Variants in NF1 observed in about 807,000 individuals in gnomAD.
NF1 encodes neurofibromin 1.
Under a neutral mutation model 325.7 loss-of-function variants are expected in NF1, and 122 were observed. The ratio of observed to expected loss-of-function variants is 0.37; its 90% CI spans 0.32 to 0.44. The LOEUF (loss-of-function observed/expected upper bound fraction) is 0.44. NF1 is among the 20% of genes least tolerant of loss of function. NF1 has a pLI of 1.00. For missense variants in NF1, 2,140 were observed against 3,415.4 expected, an observed-to-expected ratio of 0.63 and a Z score of 9.31; for synonymous variants, 1,091 against 1,186.0, an observed-to-expected ratio of 0.92 and a Z score of 1.65.
At chr17:31,210,514 G>C (rs945810210) in intron 12 of NF1, among the ~76,000 whole-genome samples, 7 of 152,116 alleles carry the variant, frequency 4.6e-5, no homozygotes, top group African/African-American at 1.7e-4. Context: ...GAACCCGGGA[G>C]GCGGAGGTTG....
chr17:31,103,343 A>C (rs1912536446), intron 1 of NF1, among the ~76,000 whole-genome samples: 1 of 152,002 alleles, frequency 6.6e-6, no homozygotes, highest in Non-Finnish European at 1.5e-5. Context: ...CCCGGGTTCA[A>C]GTGATTCTCC....
intron 1 of NF1, among the ~76,000 whole-genome samples, chr17:31,148,880 C>T (rs1350270931): frequency 3.9e-5 from 6 of 151,960 alleles, no homozygotes; most frequent in Non-Finnish European, 8.8e-5. Flanking sequence ...ATGTAAGTTA[C>T]GTAGTTCTAA....
intron 1 of NF1, among the ~76,000 whole-genome samples, chr17:31,122,175 T>C (rs755835749): frequency 6.6e-6 from 1 of 152,086 alleles, no homozygotes; most frequent in Non-Finnish European, 1.5e-5. Flanking sequence ...GAAATTGTTA[T>C]AATAGGGATG....
intron 56 of NF1, 160 bp downstream of exon 56, chr17:31,359,175 T>C (rs972691625): frequency 4.7e-6 from 3 of 640,570 alleles, no homozygotes; most frequent in Non-Finnish European, 8.1e-6. Context: ...ACAAGGTTTT[T>C]TTCCAGGAGG....
At chr17:31,127,957 C>T (rs1915024524) in intron 1 of NF1, among the ~76,000 whole-genome samples, 2 of 147,542 alleles carry the variant, frequency 1.4e-5, no homozygotes, top group South Asian at 4.2e-4. Flanking sequence ...CTGTACCTTG[C>T]ACTTCTGTTT....
intron 8 of NF1, among the ~76,000 whole-genome samples, chr17:31,194,266 T>G (rs2066397579): frequency 6.6e-6 from 1 of 152,178 alleles, no homozygotes; most frequent in East Asian, 1.9e-4. Flanking sequence ...GACATTATAT[T>G]AAGTGAAATA....
chr17:31,359,170 G>GT (rs1567628119), intron 56 of NF1, 155 bp downstream of exon 56: 2 of 668,234 alleles, frequency 3.0e-6, no homozygotes, highest in Non-Finnish European at 5.1e-6. Flanking sequence ...TCATCACAAG[G>GT]TTTTTTTCCA....
At chr17:31,341,131 C>T (rs2056845766) in intron 47 of NF1, among the ~76,000 whole-genome samples, 3 of 152,184 alleles carry the variant, frequency 2.0e-5, no homozygotes, top group Admixed American at 2.0e-4. Context: ...ATGAAAAATA[C>T]GTATAATTCA....
chr17:31,228,524 A>T (rs1322382160), intron 20 of NF1, among the ~76,000 whole-genome samples: 2 of 152,162 alleles, frequency 1.3e-5, no homozygotes, highest in African/African-American at 4.8e-5. Context: ...GAGTTGTGCA[A>T]CCATCACCAC....
intron 36 of NF1, among the ~76,000 whole-genome samples, chr17:31,279,023 G>T (rs948036350): frequency 2.0e-5 from 3 of 152,168 alleles, no homozygotes; most frequent in African/African-American, 7.2e-5. Context: ...AGGATCACTT[G>T]AAGCCAGGGG....
At chr17:31,103,253 ATTATT>A (rs2061624260) in intron 1 of NF1, among the ~76,000 whole-genome samples, 1 of 151,818 alleles carries the variant, frequency 6.6e-6, no homozygotes, top group African/African-American at 2.4e-5. Flanking sequence ...TATTATTATT[ATTATT>A]TTGAGACAAG....
chr17:31,358,748 AT>A (rs1390437798), intron 55 of NF1, 126 bp downstream of exon 55: 20 of 1,332,168 alleles, frequency 1.5e-5, no homozygotes, highest in African/African-American at 4.4e-5. Context: ...TCCATATTCC[AT>A]TTTTTTACTC....
At chr17:31,249,987 G>A (rs1010118748) in intron 30 of NF1, 6 of 493,482 alleles carry the variant, frequency 1.2e-5, no homozygotes, top group Admixed American at 1.1e-4. Flanking sequence ...TTTAGCACAC[G>A]GCTTCAGTTG....
intron 36 of NF1, among the ~76,000 whole-genome samples, chr17:31,277,152 T>C (rs1218557845): frequency 6.6e-6 from 1 of 151,990 alleles, no homozygotes; most frequent in East Asian, 1.9e-4. Flanking sequence ...TCATGTTGAG[T>C]AGGTGGAGGA....
chr17:31,220,351 A>G (rs1005189417), intron 14 of NF1, among the ~76,000 whole-genome samples: 1 of 152,292 alleles, frequency 6.6e-6, no homozygotes, highest in Admixed American at 6.5e-5. Flanking sequence ...TGGTCCCGTA[A>G]ATTGATACAT....
intron 39 of NF1, chr17:31,330,755 C>G: frequency 2.4e-6 from 1 of 414,026 alleles, no homozygotes; most frequent in Non-Finnish European, 4.3e-6. Flanking sequence ...CACCTCTGGA[C>G]CACTTACAAA....
intron 36 of NF1, among the ~76,000 whole-genome samples, chr17:31,276,357 C>T (rs1378226311): frequency 6.6e-6 from 1 of 151,982 alleles, no homozygotes; most frequent in South Asian, 2.1e-4. Flanking sequence ...TTCACATTAG[C>T]ATAAATTTGG....
rs560262404 is a variant in NF1, at chr17:31,357,309, G to C, written c.7910G>C (p.Arg2637Pro). The change falls in exon 54 of 58, where the codon CGA becomes CCA. Residue 2637 changes from arginine to proline, a missense_variant. Arg to Pro is a moderately radical substitution (Grantham distance 103, BLOSUM62 -2). Coordinates refer to ENST00000358273, the MANE Select transcript of NF1 (RefSeq NM_001042492.3). ...VKYTTDEFDQ[R>P]ILYEYLAEAS... The stretch of plus-strand genomic sequence containing the variant: ...TATACCACAGATGAGTTTGATCAAC[G>C]AATTCTTTATGAATACTTAGCAGAG... 6.2e-7 allele frequency: 1 copy of C among 1,613,962 alleles called. No homozygotes were observed. Among genetic ancestry groups the C allele is most frequent in the Non-Finnish European group, 8.5e-7 (1 of 1,179,914 alleles).
intron 39 of NF1, 99 bp downstream of exon 39, chr17:31,330,597 C>T: frequency 1.1e-6 from 1 of 934,662 alleles, no homozygotes; most frequent in East Asian, 2.6e-5. Flanking sequence ...CTTTCACTTA[C>T]ATTTTTACTT....
Sources: allele counts gnomAD v4.1 joint callset (sites outside exome capture counted in the v4.1 genomes callset), GRCh38; gene constraint gnomAD v4.1.1; transcripts MANE v1.5; gene names NCBI Gene and HGNC (gene_info 2026-07-23, HGNC 2026-07-21).